Variants in ZHX2 observed in about 807,000 individuals in gnomAD.
The protein encoded by ZHX2 is zinc fingers and homeoboxes 2, also known as zinc fingers and homeoboxes protein 2.
Under a neutral mutation model 21.9 loss-of-function variants are expected in ZHX2, and 6 were observed. The observed-to-expected ratio is 0.27, with a 90% CI of 0.15 to 0.54. ZHX2 has a LOEUF of 0.54. Among genes scored for constraint, ZHX2 ranks in the 20% least tolerant of loss-of-function variants. ZHX2 has a pLI of 0.95. For synonymous variants in ZHX2, 434 were observed against 437.1 expected, an observed-to-expected ratio of 0.99 and a Z score of 0.09; for missense variants, 908 against 1,090.7, an observed-to-expected ratio of 0.83 and a Z score of 2.36.
At chr8:122,810,227 C>T (rs1817899634) in intron 1 of ZHX2, among the ~76,000 whole-genome samples, 1 of 152,204 alleles carries the variant, frequency 6.6e-6, no homozygotes, top group Admixed American at 6.5e-5. Context: ...TGCAGTGACA[C>T]ATAAATGCCC....
At chr8:122,955,838 G>GCTTTTTTTTTTTTTTT in intron 3 of ZHX2, among the ~76,000 whole-genome samples, 1 of 125,630 alleles carries the variant, frequency 8.0e-6, no homozygotes, top group Admixed American at 8.0e-5. Flanking sequence ...ATGAGGGAGT[G>GCTTTTTTTTTTTTTTT]ATTTTTTTTT....
At chr8:122,815,421 C>A (rs1818010739) in intron 1 of ZHX2, 1 of 152,334 alleles carries the variant, frequency 6.6e-6, no homozygotes, top group African/African-American at 2.4e-5. Context: ...TCACGCTTCA[C>A]AGATAACTGT....
At chr8:122,880,692 T>C (rs1586355871) in intron 2 of ZHX2, among the ~76,000 whole-genome samples, 1 of 151,010 alleles carries the variant, frequency 6.6e-6, no homozygotes, top group African/African-American at 2.4e-5. Flanking sequence ...GGAAAATCAC[T>C]TGAACCCAGG....
chr8:122,883,533 T>C lies in ZHX2; in HGVS notation c.-220+19994T>C, dbSNP rs537071480. Among the ~76,000 whole-genome samples, 7 of 152,302 alleles carry C rather than the reference T, an allele frequency of 4.6e-5. No homozygotes were observed. The South Asian group carries it at 1.2e-3, about 27-fold the overall frequency. On this transcript the variant is annotated intron_variant, in intron 2 of 3. Coordinates refer to ENST00000314393, the MANE Select transcript of ZHX2 (RefSeq NM_014943.5). ...CACACTTATACCATAATGCAACATA[T>C]GTGTTCCCCCAAACCACCACACTAT...
At chr8:122,792,092 A>G (rs975117112) in intron 1 of ZHX2, among the ~76,000 whole-genome samples, 2 of 152,116 alleles carry the variant, frequency 1.3e-5, no homozygotes, top group Non-Finnish European at 2.9e-5. Flanking sequence ...TCACCCCAGA[A>G]AGAGATCCTG....
At chr8:122,875,357 G>A (rs899042612) in intron 2 of ZHX2, among the ~76,000 whole-genome samples, 12 of 151,730 alleles carry the variant, frequency 7.9e-5, no homozygotes, top group Non-Finnish European at 1.3e-4. Context: ...ATATGCAACC[G>A]AGGTTGCATG....
rs919011642 is a variant in ZHX2, at chr8:122,903,369, G to T, written c.-220+39830G>T. 3.9e-5 allele frequency among the ~76,000 whole-genome samples: 6 copies of T among 152,170 alleles called. No homozygotes were observed. In the East Asian group the frequency reaches 7.7e-4, roughly 19 times the overall value. On this transcript the variant is annotated intron_variant, in intron 2 of 3. Coordinates refer to ENST00000314393, the MANE Select transcript of ZHX2 (RefSeq NM_014943.5). ...ATGCTGTGAGACAAAGAAGTATCAA[G>T]CATGACCCAGTCCTTTAATGAGTTT...
chr8:122,874,827 T>C (rs1030665492), intron 2 of ZHX2, among the ~76,000 whole-genome samples: 1 of 152,044 alleles, frequency 6.6e-6, no homozygotes, highest in Admixed American at 6.6e-5. Flanking sequence ...AGATTCAGAA[T>C]AGAAGAAAAT....
At chr8:122,880,255 T>C (rs902454912) in intron 2 of ZHX2, among the ~76,000 whole-genome samples, 1 of 151,640 alleles carries the variant, frequency 6.6e-6, no homozygotes, top group Non-Finnish European at 1.5e-5. Context: ...ATTACAGGCA[T>C]GAGCCACTGC....
At chr8:122,848,147 C>T (rs749694265) in intron 1 of ZHX2, among the ~76,000 whole-genome samples, 11 of 152,152 alleles carry the variant, frequency 7.2e-5, no homozygotes, top group Non-Finnish European at 1.2e-4. Flanking sequence ...GTGAGTATAG[C>T]GGTGAAACCT....
chr8:122,884,496 C>T (rs1260081161), intron 2 of ZHX2, among the ~76,000 whole-genome samples: 1 of 152,218 alleles, frequency 6.6e-6, no homozygotes, highest in Non-Finnish European at 1.5e-5. Flanking sequence ...GTCAGCTCTT[C>T]CATTTTGTGC....
intron 1 of ZHX2, among the ~76,000 whole-genome samples, chr8:122,836,698 C>G (rs183088708): frequency 1.3e-5 from 2 of 152,222 alleles, no homozygotes; most frequent in Middle Eastern, 3.2e-3. Context: ...TTGATCTTCA[C>G]GGGTACGTGT....
chr8:122,950,796 T>G (rs78364191), intron 2 of ZHX2, among the ~76,000 whole-genome samples: 4,822 of 152,080 alleles, frequency 0.032, 84 homozygotes, highest in Middle Eastern at 0.13. Flanking sequence ...GGGGGGTGAT[T>G]GCTTTTTTTT....
intron 2 of ZHX2, among the ~76,000 whole-genome samples, chr8:122,875,123 A>C (rs1819531130): frequency 8.6e-6 from 1 of 116,418 alleles, no homozygotes; most frequent in African/African-American, 3.6e-5. Context: ...AGGAAGGAAA[A>C]CTCTGTTATA....
chr8:122,888,481 TG>T (rs1353902397), intron 2 of ZHX2, among the ~76,000 whole-genome samples: 1 of 152,168 alleles, frequency 6.6e-6, no homozygotes, highest in Non-Finnish European at 1.5e-5. Flanking sequence ...CTTTGTTTTT[TG>T]TTTTTTTGTT....
In ZHX2 at chr8:122,973,441, T is replaced by A. The variant is rs1813777335; in HGVS notation, c.*204T>A. ...GAGGACCGGTGGGAATTGTTCATAG[T>A]GCCAAAGTCCTACTACTGCGTTTTC... is the stretch of plus-strand genomic sequence containing the variant. On this transcript the variant is annotated 3_prime_UTR_variant, in exon 4 of 4. Coordinates refer to ENST00000314393, the MANE Select transcript of ZHX2 (RefSeq NM_014943.5). 1.3e-5 allele frequency: 2 copies of A among 152,710 alleles called. No individual in the cohort carries two copies. The highest frequency in any genetic ancestry group is 4.8e-5 in the African/African-American group (2 of 41,464). 9.5% of individuals were successfully genotyped at this position (152,710 alleles called of 1,614,324 possible). A position where few individuals can be genotyped will look rare whatever the true frequency, so the allele number is the denominator to read the frequency against.
rs146938434 is a variant in ZHX2, at chr8:122,951,805, A to G, written c.295A>G (p.Met99Val). ...NLNEFTEHVD[M>V]QHPNVILNPL... ...GAACGAGTTCACGGAGCATGTCGAC[A>G]TGCAGCATCCCAACGTGATTCTCAA... The change falls in exon 3 of 4, where the codon ATG (methionine) becomes GTG (valine). Residue 99 changes from methionine (M) to valine (V), a missense_variant. Transcript: ENST00000314393. 30 of 1,614,046 alleles carry G rather than the reference A, an allele frequency of 1.9e-5. No homozygotes were observed. The African/African-American group carries it at 3.2e-4, about 17-fold the overall frequency.
At chr8:122,863,826 G>A (rs1819225406) in intron 2 of ZHX2, among the ~76,000 whole-genome samples, 1 of 152,140 alleles carries the variant, frequency 6.6e-6, no homozygotes, top group Non-Finnish European at 1.5e-5. Context: ...GAGGGCATGT[G>A]CTCAGAAGTG....
chr8:122,872,517 TGAGA>T (rs982370936), intron 2 of ZHX2, among the ~76,000 whole-genome samples: 4 of 152,236 alleles, frequency 2.6e-5, no homozygotes, highest in African/African-American at 9.6e-5. Context: ...AAGAAAGAAG[TGAGA>T]GAGGCCACTT....
Sources: allele counts gnomAD v4.1 joint callset (sites outside exome capture counted in the v4.1 genomes callset), GRCh38; gene constraint gnomAD v4.1.1; transcripts MANE v1.5; gene names NCBI Gene and HGNC (gene_info 2026-07-23, HGNC 2026-07-21).